Variants in KLHL32 observed in about 807,000 individuals in gnomAD.
KLHL32 encodes the protein kelch like family member 32, also known as kelch-like protein 32.
Under a neutral mutation model 64.8 loss-of-function variants are expected in KLHL32, and 35 were observed. The observed-to-expected ratio is 0.54, with a 90% CI of 0.41 to 0.72. The LOEUF (loss-of-function observed/expected upper bound fraction) is 0.72, where lower values mean the gene tolerates loss of function less well. Among genes scored for constraint, KLHL32 ranks in the 30% least tolerant of loss-of-function variants. The probability of loss-of-function intolerance (pLI) is 0.00; values close to 1 mark genes in which losing one functional copy is unlikely to be tolerated. For synonymous variants in KLHL32, 259 were observed against 281.0 expected (o/e 0.92, Z 0.78); for missense variants, 589 against 768.5 (o/e 0.77, Z 2.76).
chr6:97,000,343 G>A (rs1778880887), intron 3 of KLHL32, among the ~76,000 whole-genome samples: 1 of 152,206 alleles, frequency 6.6e-6, no homozygotes, highest in East Asian at 1.9e-4. Flanking sequence ...ATGAGCTACA[G>A]GATGTAAATG....
chr6:97,079,154 T>C (rs1235088018), intron 5 of KLHL32, among the ~76,000 whole-genome samples: 2 of 152,194 alleles, frequency 1.3e-5, no homozygotes, highest in Non-Finnish European at 2.9e-5. Context: ...GGCTTAAATC[T>C]ACTCTAAATT....
At chr6:97,026,897 C>T (rs1782788635) in intron 3 of KLHL32, among the ~76,000 whole-genome samples, 2 of 152,098 alleles carry the variant, frequency 1.3e-5, no homozygotes, top group Non-Finnish European at 2.9e-5. Context: ...GGCGTAGTGG[C>T]TTACACCTGT....
chr6:96,988,783 G>C (rs1777457191), intron 3 of KLHL32, among the ~76,000 whole-genome samples: 1 of 152,144 alleles, frequency 6.6e-6, no homozygotes, highest in East Asian at 1.9e-4. Flanking sequence ...CATAAAAAAG[G>C]ATGAGTTCAT....
intron 6 of KLHL32, among the ~76,000 whole-genome samples, chr6:97,113,096 A>G (rs1257741488): frequency 6.6e-6 from 1 of 152,156 alleles, no homozygotes; most frequent in Non-Finnish European, 1.5e-5. Flanking sequence ...CGACTCTAAC[A>G]AATTTCCAGT....
At chr6:96,975,143 TAG>T (rs1023542838) in intron 2 of KLHL32, among the ~76,000 whole-genome samples, 10 of 152,208 alleles carry the variant, frequency 6.6e-5, no homozygotes, top group African/African-American at 2.4e-4. Context: ...TAGAATGATC[TAG>T]AGCTTCACCT....
At chr6:96,965,487 AT>A (rs1251262565) in intron 1 of KLHL32, among the ~76,000 whole-genome samples, 2 of 152,208 alleles carry the variant, frequency 1.3e-5, no homozygotes, top group African/African-American at 2.4e-5. Context: ...ATTTGAGATT[AT>A]TTTAACTTTA....
chr6:97,136,865 T>A (rs756715272), intron 10 of KLHL32, among the ~76,000 whole-genome samples: 15 of 152,188 alleles, frequency 9.9e-5, no homozygotes, highest in Non-Finnish European at 2.2e-4. Context: ...GCTCTCTGGA[T>A]GATTATCTCA....
chr6:97,005,644 G>A (rs1779577686), intron 3 of KLHL32, among the ~76,000 whole-genome samples: 1 of 152,068 alleles, frequency 6.6e-6, no homozygotes, highest in African/African-American at 2.4e-5. Context: ...TCTTCAGTCT[G>A]CTTTAGCTGT....
At chr6:96,913,934 G>A in the KLHL32 span, among the ~76,000 whole-genome samples, 6 of 152,292 alleles carry the variant, frequency 3.9e-5, no homozygotes, top group East Asian at 1.2e-3. Context: ...AATTAATGTT[G>A]TAAATCAGCT....
At chr6:97,033,722 G>A (rs1386462225) in intron 3 of KLHL32, among the ~76,000 whole-genome samples, 1 of 151,884 alleles carries the variant, frequency 6.6e-6, no homozygotes, top group Non-Finnish European at 1.5e-5. Flanking sequence ...TTATTCTAAC[G>A]GGTGTGAGGA....
At chr6:96,911,027 G>T in the KLHL32 span, among the ~76,000 whole-genome samples, 3 of 152,082 alleles carry the variant, frequency 2.0e-5, no homozygotes, top group Non-Finnish European at 2.9e-5. Flanking sequence ...TATATCTTAA[G>T]TATCTTTTTA....
At chr6:96,969,456 A>G (rs1774874925) in intron 2 of KLHL32, among the ~76,000 whole-genome samples, 1 of 152,164 alleles carries the variant, frequency 6.6e-6, no homozygotes, top group South Asian at 2.1e-4. Context: ...TAAACCCTTA[A>G]GTTCTCTCAT....
At chr6:97,075,020 C>T (rs1281091385) in intron 5 of KLHL32, among the ~76,000 whole-genome samples, 1 of 152,128 alleles carries the variant, frequency 6.6e-6, no homozygotes, top group Non-Finnish European at 1.5e-5. Flanking sequence ...CTATGTTTCA[C>T]TTCCTCCCTA....
chr6:97,055,813 A>C (rs1210709004), intron 4 of KLHL32, among the ~76,000 whole-genome samples: 3 of 138,352 alleles, frequency 2.2e-5, no homozygotes, highest in Non-Finnish European at 3.2e-5. Flanking sequence ...AAAAAAAAAA[A>C]AAAAAAAAAC....
intron 5 of KLHL32, among the ~76,000 whole-genome samples, chr6:97,077,363 A>G (rs982135923): frequency 2.0e-5 from 3 of 152,222 alleles, no homozygotes; most frequent in Admixed American, 6.5e-5. Flanking sequence ...TATAAAGGAA[A>G]ATTAATGTGA....
At chr6:96,942,186 A>G (rs944083852) in intron 1 of KLHL32, among the ~76,000 whole-genome samples, 9 of 152,178 alleles carry the variant, frequency 5.9e-5, no homozygotes, top group South Asian at 2.1e-4. Context: ...CTTAGGCTTC[A>G]CTGCCTTTTG....
At chr6:97,109,911 A>G (rs934855777) in intron 6 of KLHL32, among the ~76,000 whole-genome samples, 33 of 152,246 alleles carry the variant, frequency 2.2e-4, no homozygotes, top group African/African-American at 7.7e-4. Flanking sequence ...AGCAAATATT[A>G]CGTTTCAGAA....
chr6:96,991,520 C>T (rs1361938181), intron 3 of KLHL32, among the ~76,000 whole-genome samples: 1 of 152,110 alleles, frequency 6.6e-6, no homozygotes, highest in East Asian at 1.9e-4. Flanking sequence ...CAAAGAAACA[C>T]AGAGCTGCCA....
chr6:96,906,283 G>T, the KLHL32 span, among the ~76,000 whole-genome samples: 1 of 152,174 alleles, frequency 6.6e-6, no homozygotes, highest in African/African-American at 2.4e-5. Context: ...AGTTTGTAGT[G>T]ATTAGTTGTG....
Sources: gnomAD v4.1 joint callset for allele counts (sites outside exome capture counted in the v4.1 genomes callset) on GRCh38, gnomAD v4.1.1 for gene constraint, MANE v1.5 for transcripts, NCBI Gene and HGNC (gene_info 2026-07-23, HGNC 2026-07-21) for gene names.